The following FAM171A2 variants were observed in gnomAD, a reference collection of about 807,000 sequenced individuals.
The protein encoded by FAM171A2 is protein FAM171A2.
A neutral mutation model predicts 34.2 loss-of-function variants in FAM171A2; 13 were observed. That is an observed-to-expected ratio of 0.38 (90% confidence interval 0.25 to 0.60). The LOEUF is 0.60. FAM171A2 is among the 20% of genes least tolerant of loss of function. The probability of loss-of-function intolerance (pLI) is 0.62; values close to 1 mark genes in which losing one functional copy is unlikely to be tolerated. For missense variants in FAM171A2, 950 were observed against 1,180.7 expected, an observed-to-expected ratio of 0.80 and a Z score of 2.86; for synonymous variants, 475 against 561.2, an observed-to-expected ratio of 0.85 and a Z score of 2.17.
Position 44,353,622 on chromosome 17 carries a change from C to G in FAM171A2, c.*111G>C, listed in dbSNP as rs1330879810. 3.5e-6 allele frequency: 3 copies of G among 856,398 alleles called. No individual in the cohort carries two copies. Among genetic ancestry groups the G allele is most frequent in the African/African-American group, 1.8e-5 (1 of 55,796 alleles). The allele number at this position is 856,398 out of a possible 1,614,324, so 53.0% of individuals were successfully genotyped here. A position where few individuals can be genotyped will look rare whatever the true frequency, so the allele number is the denominator to read the frequency against. ...GAACAGCTCCAAGGCCCCTGGGCCC[C>G]TCTCCGGCCTGGGGCTGGGAGCTAC... On this transcript the variant is annotated 3_prime_UTR_variant, in exon 8 of 8. Coordinates refer to ENST00000293443, the MANE Select transcript of FAM171A2 (RefSeq NM_198475.3).
chr17:44,355,999 TG>T lies in FAM171A2; in HGVS notation c.853del (p.Gln285SerfsTer61). 3 of 1,547,510 alleles carry T rather than the reference TG, an allele frequency of 1.9e-6. No homozygotes were observed. Among genetic ancestry groups the T allele is most frequent in the Non-Finnish European group, 1.7e-6 (2 of 1,144,876 alleles). On this transcript the variant is annotated frameshift_variant, in exon 6 of 8. Transcript: ENST00000293443. LOFTEE classifies it high-confidence loss of function. The surrounding 1 kb of genome is among the most constrained non-coding windows in gnomAD (Gnocchi z 4.1). ...RQLYWTFVSP[Q>X]LGYWVAAMAS... Reference sequence around the variant, plus strand: ...CATGGCGGCCACCCAGTACCCCAGCTGGGGGGAGACGAAGGTCCAGTAGAGC... The same window carrying T: ...CATGGCGGCCACCCAGTACCCCAGCTGGGGGAGACGAAGGTCCAGTAGAGC...
At position 44,355,464 on chromosome 17, in the gene FAM171A2, A is replaced by G. The variant is rs1375199969; in HGVS notation, c.1022+251T>C. On this transcript the variant is annotated intron_variant, in intron 7 of 7. Transcript: ENST00000293443. The surrounding 1 kb of genome is among the most constrained non-coding windows in gnomAD (Gnocchi z 4.1). ...TGTGTCCGGCCTGGAGTCCTCTGGGAGAGAGAGCTGGGCTGGTAGGGGCAG... is the reference window on the plus strand; with the variant it reads ...TGTGTCCGGCCTGGAGTCCTCTGGGGGAGAGAGCTGGGCTGGTAGGGGCAG... Among the ~76,000 whole-genome samples, 2 of 152,194 alleles carry G rather than the reference A, an allele frequency of 1.3e-5. No individual in the cohort carries two copies. Among genetic ancestry groups the G allele is most frequent in the Admixed American group, 6.5e-5 (1 of 15,278 alleles).
chr17:44,354,738 C>A lies in FAM171A2; in HGVS notation c.1476G>T (p.Glu492Asp). ...ACAGCAGGAAGTCGGGGGTCTTGCCCTCGGCCGCCCCCTTGTGGCCCAGGT... is the reference window on the plus strand; with the variant it reads ...ACAGCAGGAAGTCGGGGGTCTTGCCATCGGCCGCCCCCTTGTGGCCCAGGT... ...DHYLGHKGAA[E>D]GKTPDFLLSQ... The change falls in exon 8 of 8, where the codon GAG (glutamate) becomes GAT (aspartate). Residue 492 changes from glutamate to aspartate, a missense_variant. Physicochemically the swap from Glu to Asp is conservative, Grantham distance 45. This residue lies in a region of FAM171A2 where 752 missense variants were observed against 924.5 expected (regional missense o/e 0.81). Coordinates refer to ENST00000293443, the MANE Select transcript of FAM171A2 (RefSeq NM_198475.3). This position sits in a 1 kb window ranked among gnomAD's most constrained non-coding sequence, Gnocchi z 5.8. The A allele has an allele frequency of 7.6e-7, 1 of 1,313,650 alleles. No homozygotes were observed. 81.4% of individuals were successfully genotyped at this position (1,313,650 alleles called of 1,614,324 possible).
In FAM171A2 at chr17:44,353,301, C is replaced by T. The variant is rs1319205603; in HGVS notation, c.*432G>A. The T allele has an allele frequency of 5.3e-6, 1 of 189,186 alleles. No homozygotes were observed. The highest frequency in any genetic ancestry group is 2.4e-5 in the African/African-American group (1 of 42,466). 11.7% of individuals were successfully genotyped at this position (189,186 alleles called of 1,614,324 possible). On this transcript the variant is annotated 3_prime_UTR_variant, in exon 8 of 8. Coordinates refer to ENST00000293443, the MANE Select transcript of FAM171A2 (RefSeq NM_198475.3). Reference sequence around the variant, plus strand: ...TCCCCAGAGCTGTCCCAGCCACCAGCCCTGTGACATCGTAGCCCAGAGATG... The same window carrying T: ...TCCCCAGAGCTGTCCCAGCCACCAGTCCTGTGACATCGTAGCCCAGAGATG...
Position 44,356,076 on chromosome 17 carries a change from TG to T in FAM171A2, c.779-3del. 6.5e-7 allele frequency: 1 copy of T among 1,535,522 alleles called. No individual in the cohort carries two copies. Among genetic ancestry groups the T allele is most frequent in the Non-Finnish European group, 8.8e-7 (1 of 1,137,468 alleles). ...CAGTGCCATTGCGCACCCACAGCCC[TG>T]GGAGAGGCAGGGGTTTTGTCACACT... On this transcript the variant is annotated splice_polypyrimidine_tract_variant and splice_region_variant and intron_variant, in intron 5 of 7. Transcript: ENST00000293443.
At position 44,355,230 on chromosome 17, in the gene FAM171A2, G is replaced by A; in HGVS notation, c.1023-39C>T. ...AGCAGAAGGGGCCGCTCAGGAAAGG[G>A]TGAGGGCCAAAGTAGGCCCCGAACC... is the stretch of plus-strand genomic sequence containing the variant. On this transcript the variant is annotated intron_variant, in intron 7 of 7. Transcript: ENST00000293443. The surrounding 1 kb of genome is among the most constrained non-coding windows in gnomAD (Gnocchi z 4.1). 3 of 1,545,658 alleles carry A rather than the reference G, an allele frequency of 1.9e-6. No individual in the cohort carries two copies. The highest frequency in any genetic ancestry group is 2.6e-6 in the Non-Finnish European group (3 of 1,145,236).
At chr17:44,362,898 C>A (rs2048453661) in intron 1 of FAM171A2, among the ~76,000 whole-genome samples, 1 of 152,238 alleles carries the variant, frequency 6.6e-6, no homozygotes, top group Non-Finnish European at 1.5e-5. Context: ...TCCACGACCA[C>A]AAGCCTGCCA....
In FAM171A2 at chr17:44,353,970, CGAGTTGTCCTCCGGAGAGCA is replaced by C; in HGVS notation, c.2224_2243del (p.Cys742AlafsTer109). ...CCACCTCGTCCAGCAGCGGCGTCAG[CGAGTTGTCCTCCGGAGAGCA>C]GAGGCCCGTGCGGCTCTCGCTGCTG... On this transcript the variant is annotated frameshift_variant, in exon 8 of 8. Coordinates refer to ENST00000293443, the MANE Select transcript of FAM171A2 (RefSeq NM_198475.3). LOFTEE classifies it low-confidence loss of function (END_TRUNC). The C allele has an allele frequency of 7.7e-7, 1 of 1,291,544 alleles. No homozygotes were observed. The highest frequency in any genetic ancestry group is 9.8e-7 in the Non-Finnish European group (1 of 1,023,492). The allele number at this position is 1,291,544 out of a possible 1,614,324, so 80.0% of individuals were successfully genotyped here. A position where few individuals can be genotyped will look rare whatever the true frequency, so the allele number is the denominator to read the frequency against.
In FAM171A2 at chr17:44,355,407, A is replaced by C. The variant is rs12449450; in HGVS notation, c.1023-216T>G. Among the ~76,000 whole-genome samples the C allele has an allele frequency of 0.04, 6,100 of 152,280 alleles. 151 individuals are homozygous for C. Among genetic ancestry groups the C allele is most frequent in the South Asian group, 0.077 (371 of 4,822 alleles). On this transcript the variant is annotated intron_variant, in intron 7 of 7. Transcript: ENST00000293443. This position sits in a 1 kb window ranked among gnomAD's most constrained non-coding sequence, Gnocchi z 4.1. ...CTCTGCATGTAGGATGTGCTGCGAGAACCAGGGATGAGCATCTAAGCTGTC... is the reference window on the plus strand; with the variant it reads ...CTCTGCATGTAGGATGTGCTGCGAGCACCAGGGATGAGCATCTAAGCTGTC...
Position 44,354,251 on chromosome 17 carries a change from A to G in FAM171A2, c.1963T>C (p.Phe655Leu). The G allele has an allele frequency of 6.9e-7, 1 of 1,454,036 alleles. No individual in the cohort carries two copies. 90.1% of individuals were successfully genotyped at this position (1,454,036 alleles called of 1,614,324 possible). A position where few individuals can be genotyped will look rare whatever the true frequency, so the allele number is the denominator to read the frequency against. ...TTGGAGCGCCCGTCGAGGGACACGA[A>G]CCAGGCGCGCGGGTGCGGCTTCACG... The part of the protein sequence containing the change: ...LGVKPHPRAW[F>L]VSLDGRSNSQ... Residue 655 changes from phenylalanine (F) to leucine (L), a missense_variant, in exon 8 of 8, where the codon TTC becomes CTC. Coordinates refer to ENST00000293443, the MANE Select transcript of FAM171A2 (RefSeq NM_198475.3). The surrounding 1 kb of genome is among the most constrained non-coding windows in gnomAD (Gnocchi z 5.8).
Position 44,355,926 on chromosome 17 carries a change from G to A in FAM171A2, c.895+32C>T, listed in dbSNP as rs1191227304. The A allele has an allele frequency of 1.3e-6, 2 of 1,542,856 alleles. No homozygotes were observed. The highest frequency in any genetic ancestry group is 1.2e-5 in the South Asian group (1 of 82,902). ...TGCTCTCCCAGCTCCCCTCCTCCGC[G>A]GCCTCTACGCCCACTGCCCCACTAC... is the stretch of plus-strand genomic sequence containing the variant. On this transcript the variant is annotated intron_variant, in intron 6 of 7. Transcript: ENST00000293443. The surrounding 1 kb of genome is among the most constrained non-coding windows in gnomAD (Gnocchi z 4.1).
At chr17:44,363,450 A>C in intron 1 of FAM171A2, 147 bp downstream of exon 1, 79 of 319,948 alleles carry the variant, frequency 2.5e-4, no homozygotes, top group Middle Eastern at 5.8e-4. Context: ...CAGAAGCGCC[A>C]ACCCCAGATC....
At position 44,355,948 on chromosome 17, in the gene FAM171A2, C is replaced by G. The variant is rs759216174; in HGVS notation, c.895+10G>C. On this transcript the variant is annotated intron_variant, in intron 6 of 7. Transcript: ENST00000293443. This position sits in a 1 kb window ranked among gnomAD's most constrained non-coding sequence, Gnocchi z 4.1. ...CGCGGCCTCTACGCCCACTGCCCCA[C>G]TACTCTTACCAGCCGTGGGGGAGGC... 2.6e-6 allele frequency: 4 copies of G among 1,539,290 alleles called. No homozygotes were observed. The highest frequency in any genetic ancestry group is 1.2e-5 in the South Asian group (1 of 82,286).
In FAM171A2 at chr17:44,355,116, G is replaced by A; in HGVS notation, c.1098C>T (p.Asp366=). The change falls in exon 8 of 8, where the codon GAC becomes GAT. Residue 366 remains aspartate, a synonymous_variant. Transcript: ENST00000293443. This position sits in a 1 kb window ranked among gnomAD's most constrained non-coding sequence, Gnocchi z 4.1. ...LSGPSDGNKR[D]QATSMSQLHL... is the part of the protein sequence containing the mutation. ...GGAGCTGGGACATCGAGGTGGCCTG[G>A]TCTCGTTTGTTACCGTCAGAGGGCC... The A allele has an allele frequency of 6.4e-7, 1 of 1,551,034 alleles. No individual in the cohort carries two copies. Among genetic ancestry groups the A allele is most frequent in the Non-Finnish European group, 8.7e-7 (1 of 1,146,932 alleles).
At position 44,360,000 on chromosome 17, in the gene FAM171A2, G is replaced by T. The variant is rs1258704625; in HGVS notation, c.251C>A (p.Pro84His). The T allele has an allele frequency of 6.4e-7, 1 of 1,551,722 alleles. No homozygotes were observed. The highest frequency in any genetic ancestry group is 1.2e-5 in the South Asian group (1 of 84,062). ...CCAGGTGCCCAAGCGATAACTGAGG[G>T]GCAGGGTGGCCACACCCTCTGAGTC... is the stretch of plus-strand genomic sequence containing the variant. ...TTDSEGVATLPLSYRLGTWVL... is the reference protein window; with the variant it reads ...TTDSEGVATLHLSYRLGTWVL... Residue 84 changes from proline to histidine, a missense_variant, in exon 2 of 8, where the codon CCC becomes CAC. By Grantham distance (77) the Pro-to-His change is moderately conservative. Coordinates refer to ENST00000293443, the MANE Select transcript of FAM171A2 (RefSeq NM_198475.3).
rs575007800 is a variant in FAM171A2 at position 44,360,986 on chromosome 17, C to T, written c.119-854G>A. 3.9e-5 allele frequency among the ~76,000 whole-genome samples: 6 copies of T among 152,364 alleles called. No individual in the cohort carries two copies. The East Asian group carries it at 1.2e-3, about 29-fold the overall frequency. On this transcript the variant is annotated intron_variant, in intron 1 of 7. Transcript: ENST00000293443. ...ACCATGGCAACGCCCTCATTCCTCC[C>T]AGGAGATCAGGCAGGGAGCTGGGGC...
chr17:44,356,697 T>C, intron 3 of FAM171A2, 109 bp from the exon 4 acceptor site: 1 of 1,269,342 alleles, frequency 7.9e-7, no homozygotes, highest in Admixed American at 2.8e-5. Flanking sequence ...CAGGCCACTT[T>C]GGAAGGCCAG....
chr17:44,360,201 G>A (rs1304901874), intron 1 of FAM171A2, 69 bp from the exon 2 acceptor site: 5 of 1,314,712 alleles, frequency 3.8e-6, no homozygotes, highest in Non-Finnish European at 5.3e-6. Context: ...GGAGCCCCAA[G>A]ATCAGAGGAA....
At position 44,353,484 on chromosome 17, in the gene FAM171A2, TC is replaced by T. The variant is rs1823537799; in HGVS notation, c.*248del. On this transcript the variant is annotated 3_prime_UTR_variant, in exon 8 of 8. Transcript: ENST00000293443. ...CAGCCACGTCTACACAGGCACTGCTTCCCCCCAGCCCTCCTCCCCGGCACCT... is the reference window on the plus strand; with the variant it reads ...CAGCCACGTCTACACAGGCACTGCTTCCCCCAGCCCTCCTCCCCGGCACCT... 3 of 228,514 alleles carry T rather than the reference TC, an allele frequency of 1.3e-5. No individual in the cohort carries two copies. The highest frequency in any genetic ancestry group is 2.5e-5 in the Non-Finnish European group (3 of 119,380). The allele number at this position is 228,514 out of a possible 1,614,324, so 14.2% of individuals were successfully genotyped here.
Sources: allele counts gnomAD v4.1 joint callset (sites outside exome capture counted in the v4.1 genomes callset), GRCh38; gene constraint gnomAD v4.1.1; regional missense constraint gnomAD v4.1.1; non-coding constraint Gnocchi (gnomAD v3.1); transcripts MANE v1.5; gene names NCBI Gene and HGNC (gene_info 2026-07-23, HGNC 2026-07-21).